Variants in PCDHGB4 observed in about 807,000 individuals in gnomAD.
PCDHGB4 encodes the protein protocadherin gamma-B4.
A neutral mutation model predicts 60.5 loss-of-function variants in PCDHGB4; 38 were observed. The observed-to-expected ratio is 0.63, with a 90% CI of 0.48 to 0.82. PCDHGB4 has a LOEUF of 0.82. Among genes scored for constraint, PCDHGB4 ranks in the 40% least tolerant of loss-of-function variants. The pLI is 0.00. For synonymous variants in PCDHGB4, 456 were observed against 509.7 expected, an observed-to-expected ratio of 0.89 and a Z score of 1.42; for missense variants, 1,109 against 1,209.6, an observed-to-expected ratio of 0.92 and a Z score of 1.23.
chr5:141,401,890 C>T (rs2094204069), intron 1 of PCDHGB4, among the ~76,000 whole-genome samples: 1 of 152,084 alleles, frequency 6.6e-6, no homozygotes, highest in Non-Finnish European at 1.5e-5. Context: ...ATTTTGTGTT[C>T]TTTTTCCCAA....
intron 1 of PCDHGB4, chr5:141,419,893 TCCC>T (rs571839457): frequency 5.0e-5 from 81 of 1,613,960 alleles, no homozygotes; most frequent in Non-Finnish European, 6.5e-5. Context: ...TCAGCGACCA[TCCC>T]ACACCCTCTG....
chr5:141,477,747 C>A lies in PCDHGB4; in HGVS notation c.2398-17060C>A. ...ACAGCTCATATCAGCGATGGGGGCA[C>A]CCCGGTCCTAGCCACCAACATCAGC... On this transcript the variant is annotated intron_variant, in intron 1 of 3. Coordinates refer to ENST00000519479, the MANE Select transcript of PCDHGB4 (RefSeq NM_003736.4). The surrounding 1 kb of genome is among the most constrained non-coding windows in gnomAD (Gnocchi z 4.9). 1.9e-6 allele frequency: 3 copies of A among 1,613,840 alleles called. No individual in the cohort carries two copies. The highest frequency in any genetic ancestry group is 2.5e-6 in the Non-Finnish European group (3 of 1,180,044).
chr5:141,392,704 G>A, intron 1 of PCDHGB4: 1 of 1,281,856 alleles, frequency 7.8e-7, no homozygotes, highest in East Asian at 2.6e-5. Flanking sequence ...CCTGTTTGGA[G>A]GCACTCCAGG....
intron 1 of PCDHGB4, among the ~76,000 whole-genome samples, chr5:141,456,379 C>A (rs181915740): frequency 1.3e-5 from 2 of 152,162 alleles, no homozygotes; most frequent in East Asian, 3.9e-4. Context: ...GTTTACAGCA[C>A]CGTTTGGAGT....
Position 141,388,555 on chromosome 5 carries a change from G to A in PCDHGB4, c.671G>A (p.Ser224Asn). The change falls in exon 1 of 4, where the codon AGC becomes AAC. Residue 224 changes from serine to asparagine, a missense_variant. Ser to Asn is a conservative substitution (Grantham distance 46). Transcript: ENST00000519479. ...GACTTTGGAGCTCCACCCCTAAGCA[G>A]CACTGCACAGATACACGTTCTAGTG... is the stretch of plus-strand genomic sequence containing the variant. ...ALDFGAPPLS[S>N]TAQIHVLVTD... 6.2e-7 allele frequency: 1 copy of A among 1,613,826 alleles called. No individual in the cohort carries two copies. The highest frequency in any genetic ancestry group is 8.5e-7 in the Non-Finnish European group (1 of 1,179,872).
rs775012950 is a variant in PCDHGB4, at chr5:141,428,225, A to T, written c.2397+37944A>T. On this transcript the variant is annotated intron_variant, in intron 1 of 3. Coordinates refer to ENST00000519479, the MANE Select transcript of PCDHGB4 (RefSeq NM_003736.4). ...GCTACGCTTCACCTAGTCTTCGCAG[A>T]CAGCCTGCAGGAGGCACTGCCAGAC... is the stretch of plus-strand genomic sequence containing the variant. 19 of 1,156,574 alleles carry T rather than the reference A, an allele frequency of 1.6e-5. No homozygotes were observed. In the Admixed American group the frequency reaches 3.1e-4, roughly 19 times the overall value. 71.6% of individuals were successfully genotyped at this position (1,156,574 alleles called of 1,614,324 possible).
chr5:141,506,740 T>C (rs1006665092), intron 3 of PCDHGB4, among the ~76,000 whole-genome samples: 2 of 152,104 alleles, frequency 1.3e-5, no homozygotes, highest in African/African-American at 2.4e-5. Context: ...ATAATGCCTA[T>C]TAATAAAGAC....
chr5:141,415,519 A>G, intron 1 of PCDHGB4: 1 of 1,614,182 alleles, frequency 6.2e-7, no homozygotes, highest in Non-Finnish European at 8.5e-7. Context: ...TTATGCGGAC[A>G]CGCTCATCAG....
At chr5:141,494,780 G>A (rs1314622459) in intron 1 of PCDHGB4, 27 bp from the exon 2 acceptor site, 13 of 1,613,898 alleles carry the variant, frequency 8.1e-6, no homozygotes, top group African/African-American at 1.3e-5. Context: ...CGGGTACTCA[G>A]CCCCTTTCCC....
intron 2 of PCDHGB4, among the ~76,000 whole-genome samples, chr5:141,496,335 C>G (rs2099768099): frequency 1.3e-5 from 2 of 152,204 alleles, no homozygotes; most frequent in Admixed American, 6.5e-5. Flanking sequence ...AAGTCAGGAG[C>G]CTGGAGGAGT....
chr5:141,497,396 C>T (rs2099776233), intron 2 of PCDHGB4, among the ~76,000 whole-genome samples: 1 of 152,116 alleles, frequency 6.6e-6, no homozygotes, highest in Middle Eastern at 3.2e-3. Flanking sequence ...CTTACCCCTG[C>T]CTCAACTCCC....
chr5:141,422,838 C>T (rs201218542), intron 1 of PCDHGB4: 182 of 1,614,252 alleles, frequency 1.1e-4, no homozygotes, highest in Middle Eastern at 1.6e-4. Context: ...TAGCACGTGA[C>T]AGCGGGGACC....
intron 1 of PCDHGB4, among the ~76,000 whole-genome samples, chr5:141,459,035 A>T (rs1404092581): frequency 6.6e-6 from 1 of 152,218 alleles, no homozygotes; most frequent in Non-Finnish European, 1.5e-5. Context: ...ATCCAGCCTT[A>T]CCAGCTATAT....
chr5:141,414,554 C>G (rs1184557964), intron 1 of PCDHGB4: 3 of 1,613,880 alleles, frequency 1.9e-6, no homozygotes, highest in East Asian at 2.2e-5. Context: ...TCTCAAGTCT[C>G]CTACTTTACC....
intron 1 of PCDHGB4, chr5:141,400,143 T>G: frequency 6.2e-7 from 1 of 1,614,104 alleles, no homozygotes; most frequent in Non-Finnish European, 8.5e-7. Context: ...CGGATATCAC[T>G]GACCGCCCTG....
intron 2 of PCDHGB4, among the ~76,000 whole-genome samples, chr5:141,499,576 G>C (rs2099792836): frequency 1.3e-5 from 2 of 151,790 alleles, no homozygotes; most frequent in Non-Finnish European, 2.9e-5. Context: ...TTCAACTAAT[G>C]CCTTATCTTG....
At chr5:141,393,406 G>A (rs762034418) in intron 1 of PCDHGB4, 1 of 1,614,026 alleles carries the variant, frequency 6.2e-7, no homozygotes, top group Admixed American at 1.7e-5. Flanking sequence ...GTGCTGGAGC[G>A]CGCCCTGGAC....
chr5:141,394,249 C>G (rs1055429829), intron 1 of PCDHGB4: 2 of 1,613,964 alleles, frequency 1.2e-6, no homozygotes, highest in South Asian at 2.2e-5. Context: ...GCACACGACC[C>G]CGACAGCCAG....
intron 1 of PCDHGB4, among the ~76,000 whole-genome samples, chr5:141,450,259 C>A (rs1243327669): frequency 6.6e-6 from 1 of 152,118 alleles, no homozygotes; most frequent in East Asian, 1.9e-4. Context: ...CTCAAGTGAT[C>A]TGCCCACCTC....
Sources: allele counts gnomAD v4.1 joint callset (sites outside exome capture counted in the v4.1 genomes callset), GRCh38; gene constraint gnomAD v4.1.1; non-coding constraint Gnocchi (gnomAD v3.1); transcripts MANE v1.5; gene names NCBI Gene and HGNC (gene_info 2026-07-23, HGNC 2026-07-21).